The following STPG2 variants were observed in gnomAD, a reference collection of about 807,000 sequenced individuals.
STPG2 encodes the protein sperm tail PG-rich repeat containing 2, also known as sperm-tail PG-rich repeat-containing protein 2.
Under a neutral mutation model 54.2 loss-of-function variants are expected in STPG2, and 56 were observed. The observed-to-expected ratio is 1.03, with a 90% confidence interval of 0.83 to 1.29. STPG2 has a LOEUF of 1.29. STPG2 is among the 50% of genes most tolerant of loss of function. The pLI is 0.00. For missense variants in STPG2, 596 were observed against 544.9 expected, an observed-to-expected ratio of 1.09 and a Z score of -0.93; for synonymous variants, 200 against 181.8, an observed-to-expected ratio of 1.10 and a Z score of -0.81.
chr4:97,488,927 A>G (rs1463515332), intron 4 of STPG2, among the ~76,000 whole-genome samples: 2 of 151,654 alleles, frequency 1.3e-5, no homozygotes, highest in Non-Finnish European at 3.0e-5. Context: ...AGACAGATAG[A>G]TGGTGACATT....
At chr4:97,862,981 A>G (rs1225172713) in intron 8 of STPG2, among the ~76,000 whole-genome samples, 5 of 152,244 alleles carry the variant, frequency 3.3e-5, no homozygotes, top group Non-Finnish European at 5.9e-5. Flanking sequence ...CTAAATGCCC[A>G]CAACAGAAAG....
intron 4 of STPG2, among the ~76,000 whole-genome samples, chr4:97,452,091 T>C (rs1249804849): frequency 3.8e-5 from 4 of 104,716 alleles, no homozygotes; most frequent in African/African-American, 7.7e-5. Flanking sequence ...GTCCTCCTGC[T>C]CCATAGAGCA....
intron 10 of STPG2, among the ~76,000 whole-genome samples, chr4:97,699,400 C>T (rs150420766): frequency 8.5e-5 from 13 of 152,336 alleles, no homozygotes; most frequent in African/African-American, 3.1e-4. Context: ...TGAGCACTCA[C>T]ATGGGATACA....
intron 4 of STPG2, among the ~76,000 whole-genome samples, chr4:97,530,498 A>ATGTG (rs538280530): frequency 1.7e-3 from 261 of 149,328 alleles, no homozygotes; most frequent in African/African-American, 5.4e-3. Context: ...GAAAACCAAA[A>ATGTG]TGTGTGTGTG....
At chr4:97,863,192 A>C (rs1361153154) in intron 8 of STPG2, among the ~76,000 whole-genome samples, 1 of 152,216 alleles carries the variant, frequency 6.6e-6, no homozygotes. Flanking sequence ...AAATTGATAG[A>C]CCGCTAGCAA....
At chr4:97,725,563 G>A (rs1724596472) in intron 9 of STPG2, among the ~76,000 whole-genome samples, 3 of 151,624 alleles carry the variant, frequency 2.0e-5, no homozygotes, top group Admixed American at 2.0e-4. Context: ...ATAACTGTTG[G>A]TATAGAAAAT....
At chr4:98,100,477 T>A (rs1738992809) in intron 5 of STPG2, among the ~76,000 whole-genome samples, 1 of 151,808 alleles carries the variant, frequency 6.6e-6, no homozygotes, top group African/African-American at 2.4e-5. Flanking sequence ...GAGGAATGGG[T>A]TCAATATAAG....
chr4:97,844,992 C>T (rs1039153969), intron 8 of STPG2, among the ~76,000 whole-genome samples: 1 of 151,808 alleles, frequency 6.6e-6, no homozygotes, highest in African/African-American at 2.4e-5. Flanking sequence ...TTGTACTTTA[C>T]AACTCTAGAA....
chr4:97,590,644 C>CAG (rs72198403), intron 10 of STPG2, among the ~76,000 whole-genome samples: 2,079 of 133,106 alleles, frequency 0.016, 36 homozygotes, highest in African/African-American at 0.074. Context: ...CACAGACACA[C>CAG]ACACACACAC....
At chr4:98,075,645 T>A (rs62321586) in intron 5 of STPG2, among the ~76,000 whole-genome samples, 14 of 152,158 alleles carry the variant, frequency 9.2e-5, no homozygotes, top group Admixed American at 8.5e-4. Flanking sequence ...GTTCTCTCAA[T>A]GGGATATTTG....
At position 97,463,762 on chromosome 4, in the gene STPG2, A is replaced by T. The variant is rs555785749; in HGVS notation, c.462+248937T>A. Among the ~76,000 whole-genome samples, 17 of 152,252 alleles carry T rather than the reference A, an allele frequency of 1.1e-4. No homozygotes were observed. The South Asian group carries it at 3.1e-3, about 28-fold the overall frequency. On this transcript the variant is annotated intron_variant, in intron 4 of 4. Transcript: ENST00000522676. ...ACTATACTCGGCCTCTCCTATTGTT[A>T]TTATCTTACATTAGTATATTTGTTA...
chr4:98,114,779 G>GTA (rs1299582990), intron 3 of STPG2, among the ~76,000 whole-genome samples: 1 of 151,276 alleles, frequency 6.6e-6, no homozygotes, highest in East Asian at 1.9e-4. Context: ...GTGTGTGTGT[G>GTA]TGTGTGTGTG....
chr4:97,702,141 C>T (rs1229743081), intron 10 of STPG2, among the ~76,000 whole-genome samples: 1 of 152,184 alleles, frequency 6.6e-6, no homozygotes, highest in African/African-American at 2.4e-5. Context: ...CTACATCAAA[C>T]CAAGGGATAC....
At chr4:97,664,292 A>C (rs1722458300) in intron 10 of STPG2, among the ~76,000 whole-genome samples, 1 of 152,240 alleles carries the variant, frequency 6.6e-6, no homozygotes, top group South Asian at 2.1e-4. Context: ...TGGCAGCAAT[A>C]CAATTTAAGA....
intron 4 of STPG2, among the ~76,000 whole-genome samples, chr4:97,545,905 C>T (rs1241890616): frequency 6.6e-6 from 1 of 151,988 alleles, no homozygotes; most frequent in Non-Finnish European, 1.5e-5. Flanking sequence ...TCTCTTTGTG[C>T]AATTCCATGA....
chr4:97,647,121 C>T (rs1721934519), intron 10 of STPG2, among the ~76,000 whole-genome samples: 1 of 152,114 alleles, frequency 6.6e-6, no homozygotes, highest in South Asian at 2.1e-4. Flanking sequence ...CTGAATCTCA[C>T]ATTTAATTGG....
chr4:98,021,902 T>C (rs1248177033), intron 5 of STPG2, among the ~76,000 whole-genome samples: 1 of 152,018 alleles, frequency 6.6e-6, no homozygotes, highest in Non-Finnish European at 1.5e-5. Context: ...ATTCTGAGCC[T>C]ATGTGTGTCT....
chr4:97,634,914 C>T (rs1254144778), intron 10 of STPG2, among the ~76,000 whole-genome samples: 1 of 152,136 alleles, frequency 6.6e-6, no homozygotes, highest in Admixed American at 6.6e-5. Flanking sequence ...GGAAAACACT[C>T]TGCAGGATAT....
chr4:97,778,393 G>C (rs540241335), intron 9 of STPG2, among the ~76,000 whole-genome samples: 1 of 152,160 alleles, frequency 6.6e-6, no homozygotes, highest in Non-Finnish European at 1.5e-5. Flanking sequence ...GGGGAGGGGC[G>C]TCCAACATTG....
Sources: allele counts gnomAD v4.1 joint callset (sites outside exome capture counted in the v4.1 genomes callset), GRCh38; gene constraint gnomAD v4.1.1; transcripts MANE v1.5; gene names NCBI Gene and HGNC (gene_info 2026-07-23, HGNC 2026-07-21).